The following NELL2 variants were observed in gnomAD, a reference collection of about 807,000 sequenced individuals.
The protein encoded by NELL2 is neural EGFL like 2, also known as protein kinase C-binding protein NELL2.
A neutral mutation model predicts 109.6 loss-of-function variants in NELL2; 41 were observed. The observed-to-expected ratio is 0.37, with a 90% confidence interval of 0.29 to 0.49. The LOEUF is 0.49. Ranked by LOEUF, NELL2 falls within the 20% of genes least tolerant of loss-of-function variation. NELL2 has a pLI of 0.98. For missense variants in NELL2, 900 were observed against 1,008.3 expected (o/e 0.89, Z 1.45); for synonymous variants, 355 against 344.7 (o/e 1.03, Z -0.33).
chr12:44,662,993 A>G (rs1011940247), intron 13 of NELL2, among the ~76,000 whole-genome samples: 7 of 152,206 alleles, frequency 4.6e-5, no homozygotes, highest in Admixed American at 2.0e-4. Flanking sequence ...GTCTGTTACT[A>G]AAATTTAGAA....
chr12:44,641,934 C>T (rs1281152386), intron 13 of NELL2, among the ~76,000 whole-genome samples: 1 of 151,966 alleles, frequency 6.6e-6, no homozygotes, highest in Non-Finnish European at 1.5e-5. Context: ...TGAGCTCAGG[C>T]AATCCACCCA....
intron 15 of NELL2, among the ~76,000 whole-genome samples, chr12:44,548,302 C>CTT (rs1207364821): frequency 1.3e-5 from 2 of 151,942 alleles, no homozygotes; most frequent in Non-Finnish European, 2.9e-5. Context: ...AAGTGTTAGT[C>CTT]TTTAAAATTT....
chr12:44,794,324 G>A (rs1942540278), intron 3 of NELL2, among the ~76,000 whole-genome samples: 2 of 152,156 alleles, frequency 1.3e-5, no homozygotes, highest in Admixed American at 1.3e-4. Context: ...GTAGATGTCA[G>A]CTATCATTTC....
intron 15 of NELL2, among the ~76,000 whole-genome samples, chr12:44,561,248 A>G (rs1401400135): frequency 6.6e-6 from 1 of 152,240 alleles, no homozygotes; most frequent in African/African-American, 2.4e-5. Context: ...TGTTGGAAGT[A>G]TTCCCTTCGA....
chr12:44,876,550 CG>C, upstream of NELL2: 2 of 1,458,276 alleles, frequency 1.4e-6, no homozygotes, highest in Non-Finnish European at 9.1e-7. Context: ...AACCTCCTTT[CG>C]GGATTGAAAG....
At chr12:44,845,293 A>C (rs527752083) in intron 2 of NELL2, among the ~76,000 whole-genome samples, 5 of 152,312 alleles carry the variant, frequency 3.3e-5, no homozygotes, top group Admixed American at 2.6e-4. Context: ...TTTGCTAATC[A>C]AGTATTATAA....
intron 13 of NELL2, among the ~76,000 whole-genome samples, chr12:44,646,031 C>A (rs1278081356): frequency 6.6e-6 from 1 of 151,956 alleles, no homozygotes; most frequent in African/African-American, 2.4e-5. Flanking sequence ...ACATTTCTAC[C>A]TCCCTTCATA....
At chr12:44,793,490 C>T (rs980924382) in intron 3 of NELL2, among the ~76,000 whole-genome samples, 6 of 152,126 alleles carry the variant, frequency 3.9e-5, no homozygotes, top group African/African-American at 1.4e-4. Context: ...TATCATGTCC[C>T]CACTTTTAGA....
rs1439586849 is a variant in NELL2, at chr12:44,875,304, C to T, written c.105G>A (p.Glu35=). The change falls in exon 2 of 20, where the codon GAG becomes GAA. Residue 35 remains glutamate, a synonymous_variant. Coordinates refer to ENST00000429094, the MANE Select transcript of NELL2 (RefSeq NM_001145108.2). ...CGGTCGTGGACTCCCCAAGTTCTAA[C>T]TCTGTTAAGACGTCAATCTGTAGGG... The part of the protein sequence containing the change: ...DPSLQIDVLT[E]LELGESTTGV... The T allele has an allele frequency of 1.2e-5, 19 of 1,614,050 alleles. No homozygotes were observed. The highest frequency in any genetic ancestry group is 1.5e-5 in the Non-Finnish European group (18 of 1,180,040).
chr12:44,858,218 G>T (rs1046634068), intron 2 of NELL2, among the ~76,000 whole-genome samples: 1 of 152,156 alleles, frequency 6.6e-6, no homozygotes, highest in South Asian at 2.1e-4. Flanking sequence ...TAGTAAAGGA[G>T]CCAAGACTGG....
chr12:44,518,234 T>A (rs892056189), intron 19 of NELL2, among the ~76,000 whole-genome samples: 70 of 151,774 alleles, frequency 4.6e-4, no homozygotes, highest in Non-Finnish European at 4.0e-4. Flanking sequence ...AATGACAAAC[T>A]CATTCAAATA....
intron 1 of NELL2, among the ~76,000 whole-genome samples, chr12:44,885,894 T>C (rs913664220): frequency 4.0e-5 from 6 of 151,746 alleles, no homozygotes; most frequent in African/African-American, 1.2e-4. Flanking sequence ...TATAAAGCTA[T>C]AGAAATCAAG....
At chr12:44,631,225 T>C (rs1455647767) in intron 13 of NELL2, among the ~76,000 whole-genome samples, 1 of 147,916 alleles carries the variant, frequency 6.8e-6, no homozygotes, top group Non-Finnish European at 1.5e-5. Context: ...ATGAAATGTA[T>C]ATATATATAA....
intron 1 of NELL2, among the ~76,000 whole-genome samples, chr12:44,888,647 T>C (rs1945501306): frequency 1.3e-5 from 2 of 151,810 alleles, no homozygotes. Context: ...AAAGGAATAG[T>C]AAGCGGGATA....
chr12:44,771,346 T>TTA (rs200038651), intron 9 of NELL2, among the ~76,000 whole-genome samples: 26,652 of 143,748 alleles, frequency 0.19, 2,631 homozygotes, highest in South Asian at 0.27. Flanking sequence ...ATGGTTTTTT[T>TTA]AAAAAAAAAA....
intron 15 of NELL2, among the ~76,000 whole-genome samples, chr12:44,554,737 C>G (rs560544061): frequency 1.3e-5 from 2 of 152,132 alleles, no homozygotes; most frequent in Non-Finnish European, 2.9e-5. Context: ...TGACTGTCAA[C>G]AACTAAAGAA....
chr12:44,740,507 C>T (rs1179899023), intron 9 of NELL2, among the ~76,000 whole-genome samples: 1 of 152,026 alleles, frequency 6.6e-6, no homozygotes, highest in Non-Finnish European at 1.5e-5. Context: ...TAACTTGGAG[C>T]CAAAGGTATC....
At chr12:44,802,688 G>T (rs61930964) in intron 3 of NELL2, among the ~76,000 whole-genome samples, 1 of 151,798 alleles carries the variant, frequency 6.6e-6, no homozygotes, top group Non-Finnish European at 1.5e-5. Context: ...GAAATAATAC[G>T]TAAAAAAAGT....
upstream of NELL2, among the ~76,000 whole-genome samples, chr12:44,918,841 C>T (rs1945848277): frequency 6.6e-6 from 1 of 152,110 alleles, no homozygotes; most frequent in Non-Finnish European, 1.5e-5. Context: ...ACCTAATAGT[C>T]AGCCATTGCT....
Sources: allele counts gnomAD v4.1 joint callset (sites outside exome capture counted in the v4.1 genomes callset), GRCh38; gene constraint gnomAD v4.1.1; transcripts MANE v1.5; gene names NCBI Gene and HGNC (gene_info 2026-07-23, HGNC 2026-07-21).